Variants in ZNF385B observed in about 807,000 individuals in gnomAD.
The protein encoded by ZNF385B is zinc finger protein 385B.
In ZNF385B, 23 loss-of-function variants were observed where a neutral mutation model predicts 39.2. The observed-to-expected ratio is 0.59, with a 90% CI of 0.42 to 0.83. The LOEUF (loss-of-function observed/expected upper bound fraction) is 0.83, where lower values mean the gene tolerates loss of function less well. Ranked by LOEUF, ZNF385B falls within the 40% of genes least tolerant of loss-of-function variation. The pLI, the probability that ZNF385B is intolerant of heterozygous loss-of-function variation, is 0.00. For synonymous variants in ZNF385B, 205 were observed against 222.6 expected (o/e 0.92, Z 0.70); for missense variants, 552 against 598.9 (o/e 0.92, Z 0.82).
chr2:179,567,514 A>T (rs889088583), intron 3 of ZNF385B, among the ~76,000 whole-genome samples: 3 of 152,200 alleles, frequency 2.0e-5, no homozygotes, highest in African/African-American at 7.2e-5. Context: ...AATTTAATGC[A>T]AATTAGTGGC....
intron 3 of ZNF385B, among the ~76,000 whole-genome samples, chr2:179,711,081 G>C (rs998536485): frequency 2.0e-5 from 3 of 152,168 alleles, no homozygotes; most frequent in African/African-American, 7.2e-5. Context: ...ACAGGTAGTG[G>C]GATGTGCACC....
intron 4 of ZNF385B, among the ~76,000 whole-genome samples, chr2:179,519,917 G>A (rs1438029327): frequency 6.6e-6 from 1 of 152,188 alleles, no homozygotes; most frequent in Non-Finnish European, 1.5e-5. Context: ...AGAAAGGCAA[G>A]TGGATTGAAG....
chr2:179,602,813 C>T (rs557984602), intron 3 of ZNF385B, among the ~76,000 whole-genome samples: 74 of 152,194 alleles, frequency 4.9e-4, no homozygotes, highest in Non-Finnish European at 5.7e-4. Flanking sequence ...ACTCTTGACA[C>T]GGGAACAAAC....
intron 4 of ZNF385B, among the ~76,000 whole-genome samples, chr2:179,536,057 T>C (rs2059546933): frequency 6.6e-6 from 1 of 152,244 alleles, no homozygotes; most frequent in Non-Finnish European, 1.5e-5. Context: ...ATACATTTTC[T>C]GAGCTGGTGG....
intron 3 of ZNF385B, among the ~76,000 whole-genome samples, chr2:179,764,606 T>C (rs1428661379): frequency 1.3e-5 from 2 of 152,198 alleles, no homozygotes; most frequent in Non-Finnish European, 2.9e-5. Flanking sequence ...TATCTCTTTG[T>C]ATAGTTTTCA....
intron 1 of ZNF385B, among the ~76,000 whole-genome samples, chr2:179,843,686 A>G (rs568698076): frequency 5.9e-5 from 9 of 152,288 alleles, no homozygotes; most frequent in African/African-American, 2.2e-4. Context: ...CTTCCAGTTC[A>G]ATGCTACAAC....
At chr2:179,612,351 A>G (rs903191852) in intron 3 of ZNF385B, among the ~76,000 whole-genome samples, 17 of 152,136 alleles carry the variant, frequency 1.1e-4, no homozygotes, top group African/African-American at 4.1e-4. Context: ...GTTTGTTTGT[A>G]TGCATCCTTC....
At chr2:179,543,537 T>C (rs897915091) in intron 4 of ZNF385B, among the ~76,000 whole-genome samples, 7 of 152,182 alleles carry the variant, frequency 4.6e-5, no homozygotes, top group Non-Finnish European at 1.0e-4. Context: ...ATCCTCAAGT[T>C]TGCATTCTTT....
At chr2:179,536,217 T>G (rs2059556892) in intron 4 of ZNF385B, 1 of 152,204 alleles carries the variant, frequency 6.6e-6, no homozygotes, top group Non-Finnish European at 1.5e-5. Context: ...CTAATTCTTT[T>G]TTTTAATTAT....
At chr2:179,502,376 C>A (rs10153550) in intron 5 of ZNF385B, among the ~76,000 whole-genome samples, 2,962 of 152,216 alleles carry the variant, frequency 0.019, 94 homozygotes, top group African/African-American at 0.067. Context: ...TTTGTCCCCA[C>A]ACAAATCTCA....
intron 6 of ZNF385B, among the ~76,000 whole-genome samples, chr2:179,477,402 T>C (rs1326791137): frequency 6.6e-6 from 1 of 152,220 alleles, no homozygotes; most frequent in Admixed American, 6.5e-5. Flanking sequence ...CACAATATAC[T>C]GAAAACTAAA....
chr2:179,812,869 T>C (rs1187205740), intron 1 of ZNF385B, among the ~76,000 whole-genome samples: 3 of 152,338 alleles, frequency 2.0e-5, no homozygotes, highest in Non-Finnish European at 4.4e-5. Flanking sequence ...ATTTCTTCTT[T>C]TCTAAGTTAT....
chr2:179,707,978 A>G (rs1699739921), intron 3 of ZNF385B, among the ~76,000 whole-genome samples: 1 of 152,208 alleles, frequency 6.6e-6, no homozygotes, highest in Admixed American at 6.5e-5. Context: ...ACTAGGATGA[A>G]GGCCAAGGCT....
intron 3 of ZNF385B, among the ~76,000 whole-genome samples, chr2:179,757,648 A>G (rs1239867636): frequency 6.6e-6 from 1 of 152,080 alleles, no homozygotes; most frequent in Admixed American, 6.6e-5. Flanking sequence ...TACCTACTTA[A>G]GCCTCAGCAT....
intron 3 of ZNF385B, among the ~76,000 whole-genome samples, chr2:179,573,720 G>A (rs1387392689): frequency 6.6e-6 from 1 of 151,988 alleles, no homozygotes; most frequent in Non-Finnish European, 1.5e-5. Flanking sequence ...AATAAAAAAC[G>A]GATGAGAAAG....
At chr2:179,458,915 G>A (rs2050998523) in intron 6 of ZNF385B, among the ~76,000 whole-genome samples, 1 of 152,118 alleles carries the variant, frequency 6.6e-6, no homozygotes, top group Non-Finnish European at 1.5e-5. Context: ...CAATACATGA[G>A]GTATACATGT....
rs377139486 is a variant in ZNF385B, at chr2:179,859,585, A to T, written c.-155+1516T>A. Among the ~76,000 whole-genome samples, 7 of 152,178 alleles carry T rather than the reference A, an allele frequency of 4.6e-5. No homozygotes were observed. The East Asian group carries it at 1.3e-3, about 29-fold the overall frequency. Reference sequence around the variant, plus strand: ...AATGCATCCAAGAGAGGTCAAGGAGATCTACAAGAATAGCTATCTGATTTG... The same window carrying T: ...AATGCATCCAAGAGAGGTCAAGGAGTTCTACAAGAATAGCTATCTGATTTG... On this transcript the variant is annotated intron_variant, in intron 1 of 9. Coordinates refer to ENST00000410066, the MANE Select transcript of ZNF385B (RefSeq NM_152520.6).
At chr2:179,553,631 T>C (rs1489478082) in intron 3 of ZNF385B, among the ~76,000 whole-genome samples, 3 of 149,128 alleles carry the variant, frequency 2.0e-5, no homozygotes, top group Non-Finnish European at 3.0e-5. Context: ...TCCAAACTCC[T>C]GTCCATCTGA....
chr2:179,453,996 C>T (rs148487342), intron 6 of ZNF385B, among the ~76,000 whole-genome samples: 95 of 152,252 alleles, frequency 6.2e-4, no homozygotes, highest in African/African-American at 2.2e-3. Flanking sequence ...CAATGGAAAG[C>T]GCAAGAATCA....
Sources: allele counts gnomAD v4.1 joint callset (sites outside exome capture counted in the v4.1 genomes callset), GRCh38; gene constraint gnomAD v4.1.1; transcripts MANE v1.5; gene names NCBI Gene and HGNC (gene_info 2026-07-23, HGNC 2026-07-21).